CBLB: variants seen among roughly 807,000 people sequenced by gnomAD.
CBLB encodes the protein Cbl proto-oncogene B, also known as E3 ubiquitin-protein ligase CBL-B.
Under a neutral mutation model 104.9 loss-of-function variants are expected in CBLB, and 31 were observed. That is an observed-to-expected ratio of 0.30 (90% CI 0.22 to 0.40). CBLB has a LOEUF of 0.40. Ranked by LOEUF, CBLB falls within the 10% of genes least tolerant of loss-of-function variation. CBLB has a pLI of 1.00. For synonymous variants in CBLB, 440 were observed against 422.6 expected (o/e 1.04, Z -0.51); for missense variants, 1,062 against 1,214.6 (o/e 0.87, Z 1.87).
intron 3 of CBLB, among the ~76,000 whole-genome samples, chr3:105,816,135 T>G (rs975672444): frequency 6.6e-6 from 1 of 152,070 alleles, no homozygotes; most frequent in African/African-American, 2.4e-5. Context: ...TTAACCATCA[T>G]GGCACATGCA....
At chr3:105,677,194 T>C (rs559102157) in intron 17 of CBLB, among the ~76,000 whole-genome samples, 1 of 152,232 alleles carries the variant, frequency 6.6e-6, no homozygotes, top group Non-Finnish European at 1.5e-5. Flanking sequence ...GGGTAAACAG[T>C]GAATGGCTCA....
At chr3:105,710,076 CCT>C (rs1251390856) in intron 10 of CBLB, among the ~76,000 whole-genome samples, 1 of 151,858 alleles carries the variant, frequency 6.6e-6, no homozygotes, top group Non-Finnish European at 1.5e-5. Context: ...CCACTAATTT[CCT>C]CTTTGTTGAT....
chr3:105,657,988 G>GTTA lies in CBLB; in HGVS notation c.*979_*981dup, dbSNP rs2063458353. On this transcript the variant is annotated 3_prime_UTR_variant, in exon 19 of 19. Transcript: ENST00000394030. ...TCTAATTCCACTTGAGAAAAGGTAT[G>GTTA]TTATGTTCATAATTTTATCTGAAAA... 1 of 211,994 alleles carries GTTA rather than the reference G, an allele frequency of 4.7e-6. No individual in the cohort carries two copies. Among genetic ancestry groups the GTTA allele is most frequent in the Non-Finnish European group, 9.5e-6 (1 of 104,888 alleles). 13.1% of individuals were successfully genotyped at this position (211,994 alleles called of 1,614,324 possible). A position where few individuals can be genotyped will look rare whatever the true frequency, so the allele number is the denominator to read the frequency against.
At chr3:105,798,000 G>A (rs76661759) in intron 3 of CBLB, among the ~76,000 whole-genome samples, 13,422 of 152,282 alleles carry the variant, frequency 0.088, 680 homozygotes, top group East Asian at 0.29. Context: ...GTGCTCAGGA[G>A]CCATATGAAG....
chr3:105,842,880 T>C (rs1240930132), intron 3 of CBLB, among the ~76,000 whole-genome samples: 1 of 152,238 alleles, frequency 6.6e-6, no homozygotes, highest in Non-Finnish European at 1.5e-5. Flanking sequence ...TCTGTGTTGA[T>C]GAAACTTACA....
At chr3:105,822,885 T>TC (rs1301718965) in intron 3 of CBLB, among the ~76,000 whole-genome samples, 1 of 152,294 alleles carries the variant, frequency 6.6e-6, no homozygotes, top group Non-Finnish European at 1.5e-5. Flanking sequence ...CATAGTTGCT[T>TC]CCCCAGAATA....
chr3:105,677,589 G>A (rs1300880281), intron 17 of CBLB, among the ~76,000 whole-genome samples: 2 of 151,672 alleles, frequency 1.3e-5, no homozygotes, highest in Admixed American at 1.3e-4. Context: ...TCAAGTCCAA[G>A]GAGGCAAAGG....
chr3:105,746,345 C>A (rs1550711), intron 5 of CBLB, among the ~76,000 whole-genome samples: 79,050 of 152,002 alleles, frequency 0.52, 21,178 homozygotes, highest in Middle Eastern at 0.66. Context: ...CATTGTAAAA[C>A]ACAAATGAAA....
rs181849840 is a variant in CBLB at position 105,708,553 on chromosome 3, G to A, written c.1408-4380C>T. On this transcript the variant is annotated intron_variant, in intron 10 of 18. Coordinates refer to ENST00000394030, the MANE Select transcript of CBLB (RefSeq NM_170662.5). ...TGGTTATAAAGAACAATTTTTTTTT[G>A]CATTTGAGTAATCATATAAATAAAT... 6.8e-3 allele frequency among the ~76,000 whole-genome samples: 1,019 copies of A among 150,676 alleles called. 5 individuals are homozygous for A. The highest frequency in any genetic ancestry group is 0.011 in the Non-Finnish European group (725 of 67,396).
At chr3:105,665,601 T>C (rs1170096899) in intron 18 of CBLB, among the ~76,000 whole-genome samples, 1 of 147,256 alleles carries the variant, frequency 6.8e-6, no homozygotes, top group Non-Finnish European at 1.5e-5. Context: ...TATAACAATA[T>C]CAAATATATA....
chr3:105,681,700 A>C (rs1464863354), intron 15 of CBLB, 24 bp downstream of exon 15: 1 of 1,597,752 alleles, frequency 6.3e-7, no homozygotes, highest in Non-Finnish European at 8.6e-7. Context: ...GTACATCACA[A>C]AGGAAATTAT....
rs1577097301 is a variant in CBLB, at chr3:105,777,442, C to A, written c.420-900G>T. Among the ~76,000 whole-genome samples the A allele has an allele frequency of 2.0e-5, 3 of 152,262 alleles. No homozygotes were observed. The East Asian group carries it at 5.8e-4, about 29-fold the overall frequency. ...GCTAGAGCCCAGAGTTTGAGACCAG[C>A]CTCGGCAACATGGCAGGACCTCATC... On this transcript the variant is annotated intron_variant, in intron 3 of 18. Coordinates refer to ENST00000394030, the MANE Select transcript of CBLB (RefSeq NM_170662.5).
intron 2 of CBLB, among the ~76,000 whole-genome samples, chr3:105,854,640 A>ATTG (rs2091375073): frequency 7.8e-6 from 1 of 128,174 alleles, no homozygotes; most frequent in East Asian, 2.3e-4. Context: ...ATTTTATTTT[A>ATTG]TTGTTTTTTT....
intron 17 of CBLB, 65 bp from the exon 18 acceptor site, chr3:105,670,417 T>A: frequency 7.6e-7 from 1 of 1,313,256 alleles, no homozygotes; most frequent in South Asian, 1.2e-5. Context: ...AAGAAAAAAA[T>A]TCTAGAATTA....
chr3:105,679,067 T>TTCATA (rs1307533496), intron 16 of CBLB, among the ~76,000 whole-genome samples: 1 of 152,150 alleles, frequency 6.6e-6, no homozygotes, highest in East Asian at 1.9e-4. Context: ...GGATTTTAAT[T>TTCATA]TATTTAACCT....
intron 3 of CBLB, among the ~76,000 whole-genome samples, chr3:105,852,375 T>TA (rs2091051012): frequency 6.6e-6 from 1 of 152,228 alleles, no homozygotes; most frequent in African/African-American, 2.4e-5. Context: ...GTTTGTGTCT[T>TA]AGTTTTTAAA....
chr3:105,691,137 T>C (rs1425600562), intron 13 of CBLB, among the ~76,000 whole-genome samples: 1 of 152,330 alleles, frequency 6.6e-6, no homozygotes, highest in African/African-American at 2.4e-5. Context: ...CTTATATACT[T>C]TGCATATTGT....
intron 4 of CBLB, among the ~76,000 whole-genome samples, chr3:105,774,039 T>A (rs1324734938): frequency 4.6e-5 from 7 of 152,222 alleles, no homozygotes; most frequent in Non-Finnish European, 7.4e-5. Flanking sequence ...TTAATTGCCA[T>A]TGCGACTGTA....
At chr3:105,867,634 G>A (rs1370400104) in intron 1 of CBLB, 43 bp from the exon 2 acceptor site, 3 of 1,571,212 alleles carry the variant, frequency 1.9e-6, no homozygotes, top group Non-Finnish European at 2.6e-6. Flanking sequence ...AGTTGGTTTT[G>A]AAAATATTTA....
Sources: allele counts gnomAD v4.1 joint callset (sites outside exome capture counted in the v4.1 genomes callset), GRCh38; gene constraint gnomAD v4.1.1; transcripts MANE v1.5; gene names NCBI Gene and HGNC (gene_info 2026-07-23, HGNC 2026-07-21).